Variants in JAK2 observed in about 807,000 individuals in gnomAD.
JAK2 encodes tyrosine-protein kinase JAK2.
In JAK2, 86 loss-of-function variants were observed where a neutral mutation model predicts 139.3. The observed-to-expected ratio is 0.62, with a 90% CI of 0.52 to 0.74. The LOEUF (loss-of-function observed/expected upper bound fraction) is 0.74. JAK2 is among the 30% of genes least tolerant of loss of function. The pLI is 0.00. For missense variants in JAK2, 1,421 were observed against 1,360.3 expected, an observed-to-expected ratio of 1.04 and a Z score of -0.70; for synonymous variants, 490 against 437.7, an observed-to-expected ratio of 1.12 and a Z score of -1.49.
rs2130608068 is a variant in JAK2 at position 5,080,589 on chromosome 9, A to T, written c.2340A>T (p.Leu780Phe). ...TTCCTGCACCAAAGTGGGCAGAATT[A>T]GCAAACCTTATAAATAATTGTATGG... ...HQLPAPKWAE[L>F]ANLINNCMDY... Residue 780 changes from leucine to phenylalanine, a missense_variant, in exon 18 of 25, where the codon TTA (leucine) becomes TTT (phenylalanine). Transcript: ENST00000381652. The T allele has an allele frequency of 6.2e-7, 1 of 1,607,406 alleles. No homozygotes were observed. The highest frequency in any genetic ancestry group is 8.5e-7 in the Non-Finnish European group (1 of 1,178,294).
chr9:5,035,826 A>G (rs1383863437), intron 4 of JAK2, among the ~76,000 whole-genome samples: 2 of 152,218 alleles, frequency 1.3e-5, no homozygotes, highest in African/African-American at 4.8e-5. Flanking sequence ...GGCACAAGAC[A>G]GGGATGCCCT....
chr9:5,115,714 T>C (rs931961536), intron 22 of JAK2, among the ~76,000 whole-genome samples: 5 of 152,210 alleles, frequency 3.3e-5, no homozygotes, highest in Non-Finnish European at 7.3e-5. Flanking sequence ...ATATACACCA[T>C]GGAATACTAT....
chr9:5,089,861 C>G lies in JAK2; in HGVS notation c.2759C>G (p.Ala920Gly). The G allele has an allele frequency of 6.8e-7, 1 of 1,478,954 alleles. No homozygotes were observed. The highest frequency in any genetic ancestry group is 2.6e-5 in the East Asian group (1 of 39,022). 91.6% of individuals were successfully genotyped at this position (1,478,954 alleles called of 1,614,324 possible). The change falls in exon 20 of 25, where the codon GCT becomes GGT. Residue 920 changes from alanine to glycine, a missense_variant and splice_region_variant. Transcript: ENST00000381652. ...IVKYKGVCYS[A>G]GRRNLKLIME... ...AAGTACAAGGGAGTGTGCTACAGTG[C>G]TGGTAAGCTGCCCATTGAAACCTAT...
intron 3 of JAK2, 65 bp downstream of exon 3, chr9:5,022,278 A>G: frequency 9.5e-7 from 1 of 1,056,218 alleles, no homozygotes; most frequent in Admixed American, 1.9e-5. Flanking sequence ...CTATGCTAAT[A>G]CTAGGTACAT....
At chr9:5,037,005 C>A (rs544914878) in intron 4 of JAK2, among the ~76,000 whole-genome samples, 1 of 151,084 alleles carries the variant, frequency 6.6e-6, no homozygotes, top group East Asian at 1.9e-4. Context: ...TGAACTCTAA[C>A]AAATTTACAA....
chr9:5,115,050 A>G (rs1823025790), intron 22 of JAK2, among the ~76,000 whole-genome samples: 1 of 152,220 alleles, frequency 6.6e-6, no homozygotes, highest in African/African-American at 2.4e-5. Context: ...AATGGCAACA[A>G]AAGCCAAAAT....
chr9:4,995,134 A>G (rs1409503815), intron 2 of JAK2, among the ~76,000 whole-genome samples: 2 of 152,236 alleles, frequency 1.3e-5, no homozygotes, highest in African/African-American at 4.8e-5. Flanking sequence ...CGTGAAAAAT[A>G]GAATCTCATT....
chr9:5,028,623 G>A (rs959236143), intron 3 of JAK2, among the ~76,000 whole-genome samples: 7 of 152,216 alleles, frequency 4.6e-5, no homozygotes, highest in Non-Finnish European at 1.0e-4. Context: ...TGTCTACACT[G>A]AAAATCTATT....
At chr9:5,108,797 T>G (rs1048711828) in intron 22 of JAK2, 1 of 152,150 alleles carries the variant, frequency 6.6e-6, no homozygotes. Context: ...CTGTAAGCCA[T>G]ATACCACTTG....
chr9:5,058,136 T>C (rs547142438), intron 8 of JAK2, among the ~76,000 whole-genome samples: 12 of 152,344 alleles, frequency 7.9e-5, no homozygotes, highest in Non-Finnish European at 1.5e-4. Flanking sequence ...TTGTGAGTAA[T>C]GCTGCTGTGA....
intron 22 of JAK2, among the ~76,000 whole-genome samples, chr9:5,101,890 T>C (rs1821521316): frequency 6.6e-6 from 1 of 152,076 alleles, no homozygotes; most frequent in African/African-American, 2.4e-5. Flanking sequence ...CAAAACCCCA[T>C]CTGTAGGTTA....
intron 22 of JAK2, among the ~76,000 whole-genome samples, chr9:5,113,269 A>G (rs1822806737): frequency 6.7e-6 from 1 of 149,846 alleles, no homozygotes; most frequent in African/African-American, 2.5e-5. Flanking sequence ...CTTTGTCAGA[A>G]AAGAAAAAAA....
chr9:5,113,465 G>A (rs1190195480), intron 22 of JAK2: 1 of 147,344 alleles, frequency 6.8e-6, no homozygotes, highest in African/African-American at 2.6e-5. Flanking sequence ...ACTGACCTTG[G>A]CCAGGCTGGA....
rs370470199 is a variant in JAK2, at chr9:4,998,535, A to G, written c.-26+12513A>G. On this transcript the variant is annotated intron_variant, in intron 2 of 24. Coordinates refer to ENST00000381652, the MANE Select transcript of JAK2 (RefSeq NM_004972.4). ...CTCCCAAAGTGCTGGGATTACAGGC[A>G]TGAGCCACCATGCCCGGCCAAAAAC... is the stretch of plus-strand genomic sequence containing the variant. 5.6e-4 allele frequency among the ~76,000 whole-genome samples: 85 copies of G among 152,066 alleles called. 1 individual carries two copies. The highest frequency in any genetic ancestry group is 1.8e-3 in the African/African-American group (75 of 41,476).
intron 22 of JAK2, among the ~76,000 whole-genome samples, chr9:5,102,898 T>G (rs1821623390): frequency 6.6e-6 from 1 of 152,066 alleles, no homozygotes; most frequent in Admixed American, 6.6e-5. Context: ...AAGGAAGCAC[T>G]AAACATGGAA....
At chr9:5,087,549 G>A (rs943540450) in intron 19 of JAK2, among the ~76,000 whole-genome samples, 2 of 152,050 alleles carry the variant, frequency 1.3e-5, no homozygotes, top group Admixed American at 6.5e-5. Context: ...TCTTTTCGCT[G>A]TATTTTTCTT....
In JAK2 at chr9:4,985,292, G is replaced by A; in HGVS notation, c.-447G>A. 6.6e-6 allele frequency: 1 copy of A among 152,408 alleles called. No individual in the cohort carries two copies. Among genetic ancestry groups the A allele is most frequent in the East Asian group, 1.9e-4 (1 of 5,188 alleles). The allele number at this position is 152,408 out of a possible 1,614,324, so 9.4% of individuals were successfully genotyped here. On this transcript the variant is annotated 5_prime_UTR_variant, in exon 1 of 25. Coordinates refer to ENST00000381652, the MANE Select transcript of JAK2 (RefSeq NM_004972.4). Reference sequence around the variant, plus strand: ...GGAGCAGAAGGGGGCAGCAGCGGACGCCGCTAACGGCCTCCCTCGGCGCTG... The same window carrying A: ...GGAGCAGAAGGGGGCAGCAGCGGACACCGCTAACGGCCTCCCTCGGCGCTG...
intron 2 of JAK2, among the ~76,000 whole-genome samples, chr9:5,012,346 T>C (rs1039221973): frequency 4.6e-5 from 7 of 152,210 alleles, no homozygotes; most frequent in Non-Finnish European, 7.3e-5. Flanking sequence ...TCTTTGACAA[T>C]GCCTTCAAAT....
chr9:5,019,627 C>T (rs1490665041), intron 2 of JAK2, among the ~76,000 whole-genome samples: 1 of 152,158 alleles, frequency 6.6e-6, no homozygotes, highest in African/African-American at 2.4e-5. Flanking sequence ...TGTGACCTTA[C>T]TTCTTTGATA....
Sources: allele counts gnomAD v4.1 joint callset (sites outside exome capture counted in the v4.1 genomes callset), GRCh38; gene constraint gnomAD v4.1.1; transcripts MANE v1.5; gene names NCBI Gene and HGNC (gene_info 2026-07-23, HGNC 2026-07-21).